CCSER1: variants seen among roughly 807,000 people sequenced by gnomAD.
CCSER1 encodes the protein serine-rich coiled-coil domain-containing protein 1.
CCSER1 carries 41 observed loss-of-function variants against 82.0 expected under a neutral mutation model. The observed-to-expected ratio is 0.50, with a 90% CI of 0.39 to 0.65. CCSER1 has a LOEUF of 0.65. CCSER1 is among the 30% of genes least tolerant of loss of function. The pLI, the probability that CCSER1 is intolerant of heterozygous loss-of-function variation, is 0.00. For synonymous variants in CCSER1, 414 were observed against 383.9 expected (o/e 1.08, Z -0.92); for missense variants, 1,119 against 1,064.2 (o/e 1.05, Z -0.72).
chr4:91,150,975 C>A (rs1204303164), intron 10 of CCSER1, among the ~76,000 whole-genome samples: 1 of 152,162 alleles, frequency 6.6e-6, no homozygotes, highest in Non-Finnish European at 1.5e-5. Context: ...CAGGATGATG[C>A]TGGCCTCCCA....
chr4:91,254,054 A>G (rs1464820688), intron 10 of CCSER1, among the ~76,000 whole-genome samples: 1 of 152,162 alleles, frequency 6.6e-6, no homozygotes, highest in Non-Finnish European at 1.5e-5. Flanking sequence ...ACAGATTGAA[A>G]CTATATCAGT....
At chr4:90,743,010 T>TA (rs1203186344) in intron 7 of CCSER1, among the ~76,000 whole-genome samples, 2 of 152,218 alleles carry the variant, frequency 1.3e-5, no homozygotes, top group African/African-American at 4.8e-5. Context: ...ATTTGGCAGA[T>TA]ATTCTATTAT....
chr4:91,164,912 C>A (rs980301626), intron 10 of CCSER1, among the ~76,000 whole-genome samples: 2 of 152,152 alleles, frequency 1.3e-5, no homozygotes, highest in Admixed American at 1.3e-4. Flanking sequence ...TTATTACCGA[C>A]CTTCTGAAGT....
intron 10 of CCSER1, among the ~76,000 whole-genome samples, chr4:91,345,066 CT>C (rs1372907554): frequency 6.6e-6 from 1 of 152,104 alleles, no homozygotes; most frequent in Non-Finnish European, 1.5e-5. Flanking sequence ...GAAGGAAGCA[CT>C]TTCCTAACTG....
intron 5 of CCSER1, among the ~76,000 whole-genome samples, chr4:90,587,201 T>G (rs1241159203): frequency 6.6e-6 from 1 of 152,214 alleles, no homozygotes; most frequent in East Asian, 1.9e-4. Context: ...GGCACCTTGA[T>G]TTTAGACCAG....
At position 90,129,704 on chromosome 4, in the gene CCSER1, ATTG is replaced by A. The variant is rs373793749; in HGVS notation, c.-42+1876_-42+1878del. On this transcript the variant is annotated intron_variant, in intron 1 of 10. Coordinates refer to ENST00000509176, the MANE Select transcript of CCSER1 (RefSeq NM_001145065.2). ...TCAAAACAAACCAACTGTTGTTTGT[ATTG>A]TTTTATTGCTTTCCTAAACAGTCCT... 2.2e-4 allele frequency among the ~76,000 whole-genome samples: 34 copies of A among 152,316 alleles called. No individual in the cohort carries two copies. The East Asian group carries it at 5.8e-3, about 26-fold the overall frequency.
chr4:90,602,956 G>GGA (rs1057187062), intron 5 of CCSER1, among the ~76,000 whole-genome samples: 18 of 152,132 alleles, frequency 1.2e-4, no homozygotes, highest in African/African-American at 4.1e-4. Flanking sequence ...CTTCTAGGGA[G>GGA]GAGAGAGAGA....
chr4:90,503,649 G>A (rs1770262277), intron 5 of CCSER1, among the ~76,000 whole-genome samples: 1 of 152,084 alleles, frequency 6.6e-6, no homozygotes, highest in Admixed American at 6.5e-5. Context: ...ACCTATGAGT[G>A]AGAACATGCG....
chr4:90,133,121 A>C (rs1444281744), intron 1 of CCSER1, among the ~76,000 whole-genome samples: 1 of 152,178 alleles, frequency 6.6e-6, no homozygotes, highest in Non-Finnish European at 1.5e-5. Context: ...TTAGAGTAAA[A>C]ACTGAAGGCT....
intron 10 of CCSER1, among the ~76,000 whole-genome samples, chr4:91,459,709 T>C (rs1209930577): frequency 1.3e-5 from 2 of 152,182 alleles, no homozygotes; most frequent in African/African-American, 4.8e-5. Context: ...AATTTCACTA[T>C]ACCAGAGAGT....
rs1581672940 is a variant in CCSER1 at position 91,159,531 on chromosome 4, C to T, written c.2217+73537C>T. The stretch of plus-strand genomic sequence containing the variant: ...AACATAAATATTAATTATTAATATA[C>T]ATTAGGTATTATTGGATCACAGTTG... On this transcript the variant is annotated intron_variant, in intron 10 of 10. Transcript: ENST00000509176. Among the ~76,000 whole-genome samples the T allele has an allele frequency of 2.6e-5, 4 of 151,940 alleles. No individual in the cohort carries two copies. In the East Asian group the frequency reaches 7.7e-4, roughly 29 times the overall value.
At chr4:91,183,978 C>T (rs546708678) in intron 10 of CCSER1, among the ~76,000 whole-genome samples, 1,763 of 152,276 alleles carry the variant, frequency 0.012, 27 homozygotes, top group African/African-American at 0.036. Flanking sequence ...TTGATCCCTA[C>T]GTATGGTTAC....
At chr4:90,910,097 G>A (rs1222697215) in intron 8 of CCSER1, among the ~76,000 whole-genome samples, 1 of 152,134 alleles carries the variant, frequency 6.6e-6, no homozygotes, top group Non-Finnish European at 1.5e-5. Context: ...CATGGTGGCA[G>A]GAAAGACAGA....
chr4:91,219,972 T>C (rs1175462314), intron 10 of CCSER1, among the ~76,000 whole-genome samples: 1 of 152,118 alleles, frequency 6.6e-6, no homozygotes, highest in African/African-American at 2.4e-5. Flanking sequence ...AAAATGTAAA[T>C]TTACTCAAAA....
intron 10 of CCSER1, among the ~76,000 whole-genome samples, chr4:91,154,334 T>C (rs994417847): frequency 2.6e-5 from 4 of 152,102 alleles, no homozygotes; most frequent in African/African-American, 9.7e-5. Context: ...AATCTCCTGG[T>C]ATGCCATTTG....
At chr4:90,224,363 T>C (rs929752525) in intron 1 of CCSER1, among the ~76,000 whole-genome samples, 28 of 152,194 alleles carry the variant, frequency 1.8e-4, no homozygotes, top group Admixed American at 2.6e-4. Flanking sequence ...TTTGAAGATA[T>C]TGTTATAAAA....
chr4:90,688,176 C>A, intron 6 of CCSER1, among the ~76,000 whole-genome samples: 1 of 152,110 alleles, frequency 6.6e-6, no homozygotes, highest in East Asian at 1.9e-4. Context: ...CTGTATACTT[C>A]ATTAGGGAAT....
intron 1 of CCSER1, among the ~76,000 whole-genome samples, chr4:90,294,124 C>T (rs1345009288): frequency 6.6e-6 from 1 of 151,964 alleles, no homozygotes; most frequent in Non-Finnish European, 1.5e-5. Flanking sequence ...AGAATCCGAG[C>T]TGTTACAAAA....
chr4:91,185,915 A>G (rs753498397), intron 10 of CCSER1, among the ~76,000 whole-genome samples: 32 of 152,160 alleles, frequency 2.1e-4, no homozygotes, highest in Non-Finnish European at 2.5e-4. Context: ...TGATACCATC[A>G]CAGGCCTTGA....
Sources: allele counts gnomAD v4.1 joint callset (sites outside exome capture counted in the v4.1 genomes callset), GRCh38; gene constraint gnomAD v4.1.1; transcripts MANE v1.5; gene names NCBI Gene and HGNC (gene_info 2026-07-23, HGNC 2026-07-21).